CTNNA2: variants seen among roughly 807,000 people sequenced by gnomAD.
CTNNA2 encodes catenin alpha-2.
CTNNA2 carries 42 observed loss-of-function variants against 101.0 expected under a neutral mutation model. That is an observed-to-expected ratio of 0.42 (90% CI 0.32 to 0.54). The LOEUF (loss-of-function observed/expected upper bound fraction) is 0.54, where lower values mean the gene tolerates loss of function less well. CTNNA2 is among the 20% of genes least tolerant of loss of function. The pLI is 0.14. For missense variants in CTNNA2, 871 were observed against 1,223.1 expected (o/e 0.71, Z 4.29); for synonymous variants, 450 against 456.4 (o/e 0.99, Z 0.18).
At chr2:80,436,735 C>G (rs906216445) in intron 9 of CTNNA2, among the ~76,000 whole-genome samples, 3 of 152,158 alleles carry the variant, frequency 2.0e-5, no homozygotes, top group Admixed American at 6.5e-5. Flanking sequence ...TTCTTGCTGT[C>G]TCCTCATATG....
At chr2:79,862,322 G>A (rs148622924) in intron 4 of CTNNA2, among the ~76,000 whole-genome samples, 485 of 152,214 alleles carry the variant, frequency 3.2e-3, no homozygotes, top group Non-Finnish European at 5.2e-3. Flanking sequence ...CTGTTCTAAT[G>A]TGGGGGTGGG....
At chr2:79,960,192 A>T (rs940322623) in intron 7 of CTNNA2, among the ~76,000 whole-genome samples, 1 of 152,224 alleles carries the variant, frequency 6.6e-6, no homozygotes, top group Non-Finnish European at 1.5e-5. Flanking sequence ...AGAAAAAGCC[A>T]TTCTCTTGAA....
chr2:80,579,989 A>AT (rs1695387678), intron 13 of CTNNA2, among the ~76,000 whole-genome samples: 1 of 152,240 alleles, frequency 6.6e-6, no homozygotes, highest in Non-Finnish European at 1.5e-5. Context: ...AGTCTGTGGA[A>AT]GACCATCACC....
intron 1 of CTNNA2, among the ~76,000 whole-genome samples, chr2:79,534,854 G>A (rs1294653066): frequency 6.6e-6 from 1 of 150,686 alleles, no homozygotes; most frequent in Non-Finnish European, 1.5e-5. Flanking sequence ...TTTCATTTCT[G>A]ATTTTTGCTG....
chr2:79,630,428 A>G (rs1679612091), intron 1 of CTNNA2, among the ~76,000 whole-genome samples: 2 of 152,232 alleles, frequency 1.3e-5, no homozygotes, highest in African/African-American at 4.8e-5. Context: ...TCTATGATGT[A>G]GCTATATTTA....
At chr2:79,698,084 C>A (rs572153031) in intron 2 of CTNNA2, among the ~76,000 whole-genome samples, 1 of 151,900 alleles carries the variant, frequency 6.6e-6, no homozygotes, top group Non-Finnish European at 1.5e-5. Flanking sequence ...TTGGTGGCTG[C>A]GCTTGCTGTT....
In CTNNA2 at chr2:80,647,766, G is replaced by A; in HGVS notation, c.2756G>A (p.Arg919Lys). ...CCAGAGAAGAAGCCCCTTGTGAAGAGAGAAAAGCCTGAAGAATTCCAGACA... is the reference window on the plus strand; with the variant it reads ...CCAGAGAAGAAGCCCCTTGTGAAGAAAGAAAAGCCTGAAGAATTCCAGACA... ...KAPEKKPLVKREKPEEFQTRV... is the reference protein window; with the variant it reads ...KAPEKKPLVKKEKPEEFQTRV... Residue 919 changes from arginine to lysine, a missense_variant, in exon 19 of 19, where the codon AGA becomes AAA. Physicochemically the swap from Arg to Lys is conservative, Grantham distance 26. Coordinates refer to ENST00000402739, the MANE Select transcript of CTNNA2 (RefSeq NM_001282597.3). 1 of 1,613,606 alleles carries A rather than the reference G, an allele frequency of 6.2e-7. No homozygotes were observed. Among genetic ancestry groups the A allele is most frequent in the South Asian group, 1.1e-5 (1 of 91,050 alleles).
At chr2:80,150,656 C>T (rs1372821833) in intron 7 of CTNNA2, among the ~76,000 whole-genome samples, 1 of 152,152 alleles carries the variant, frequency 6.6e-6, no homozygotes, top group Admixed American at 6.6e-5. Flanking sequence ...GGGAGAAAAA[C>T]CACACAGTAT....
At chr2:80,467,295 A>G (rs1684939941) in intron 9 of CTNNA2, among the ~76,000 whole-genome samples, 1 of 152,242 alleles carries the variant, frequency 6.6e-6, no homozygotes, top group Non-Finnish European at 1.5e-5. Context: ...GGAAAAAAGA[A>G]TATATGCAGA....
chr2:79,873,678 C>T (rs1682764806), intron 5 of CTNNA2, among the ~76,000 whole-genome samples: 1 of 152,060 alleles, frequency 6.6e-6, no homozygotes, highest in Non-Finnish European at 1.5e-5. Flanking sequence ...GTGGGAGAAT[C>T]CCTTGAGGCC....
At chr2:80,195,724 T>G (rs908333871) in intron 7 of CTNNA2, among the ~76,000 whole-genome samples, 1 of 152,044 alleles carries the variant, frequency 6.6e-6, no homozygotes, top group Non-Finnish European at 1.5e-5. Context: ...AACCTATGTG[T>G]TTTTGCTTCC....
chr2:80,073,992 T>TG (rs1216685080), intron 7 of CTNNA2, among the ~76,000 whole-genome samples: 1 of 152,198 alleles, frequency 6.6e-6, no homozygotes, highest in Admixed American at 6.5e-5. Flanking sequence ...TATGTAGTGA[T>TG]GGAGTCTGGG....
chr2:80,378,469 A>ACATT (rs1226729175), intron 7 of CTNNA2, among the ~76,000 whole-genome samples: 3 of 151,486 alleles, frequency 2.0e-5, no homozygotes, highest in African/African-American at 2.4e-5. Flanking sequence ...ACACACACAC[A>ACATT]CATTCATTCA....
At chr2:80,331,232 C>T (rs533864755) in intron 7 of CTNNA2, among the ~76,000 whole-genome samples, 1 of 152,282 alleles carries the variant, frequency 6.6e-6, no homozygotes, top group South Asian at 2.1e-4. Context: ...TTCGTTATCA[C>T]ATCGGGCATG....
intron 7 of CTNNA2, among the ~76,000 whole-genome samples, chr2:80,021,669 G>C (rs1694574234): frequency 6.6e-6 from 1 of 152,064 alleles, no homozygotes; most frequent in Non-Finnish European, 1.5e-5. Context: ...GTACATTATG[G>C]AATGACTACA....
intron 3 of CTNNA2, among the ~76,000 whole-genome samples, chr2:79,354,543 T>C (rs994901378): frequency 6.6e-6 from 1 of 152,164 alleles, no homozygotes; most frequent in Admixed American, 6.5e-5. Flanking sequence ...TTTTGTTCTC[T>C]CTTAAAATAG....
intron 4 of CTNNA2, among the ~76,000 whole-genome samples, chr2:79,393,871 C>T (rs569887022): frequency 4.4e-4 from 67 of 152,228 alleles, no homozygotes; most frequent in African/African-American, 1.6e-3. Context: ...TCTGTCCAAC[C>T]CTGCAGGGCT....
At chr2:80,392,951 T>G (rs1677660482) in intron 7 of CTNNA2, among the ~76,000 whole-genome samples, 1 of 152,188 alleles carries the variant, frequency 6.6e-6, no homozygotes, top group African/African-American at 2.4e-5. Context: ...GGAGGAGGGA[T>G]GAAAACACAG....
chr2:79,646,183 G>A lies in CTNNA2; in HGVS notation c.-5-5369G>A, dbSNP rs1290211670. Among the ~76,000 whole-genome samples the A allele has an allele frequency of 2.0e-5, 3 of 152,338 alleles. No homozygotes were observed. In the East Asian group the frequency reaches 5.8e-4, roughly 29 times the overall value. ...GACATTTTCCAGGAAGGTTTGAAAA[G>A]GAGAATTTCTGCAGTGAACGATGCA... On this transcript the variant is annotated intron_variant, in intron 1 of 18. Coordinates refer to ENST00000402739, the MANE Select transcript of CTNNA2 (RefSeq NM_001282597.3).
Sources: gnomAD v4.1 joint callset for allele counts (sites outside exome capture counted in the v4.1 genomes callset) on GRCh38, gnomAD v4.1.1 for gene constraint, MANE v1.5 for transcripts, NCBI Gene and HGNC (gene_info 2026-07-23, HGNC 2026-07-21) for gene names.